The following DYNC1I1 variants were observed in gnomAD, a reference collection of about 807,000 sequenced individuals.
DYNC1I1 encodes the protein cytoplasmic dynein 1 intermediate chain 1.
A neutral mutation model predicts 86.6 loss-of-function variants in DYNC1I1; 43 were observed. That is an observed-to-expected ratio of 0.50 (90% CI 0.39 to 0.64). DYNC1I1 has a LOEUF of 0.64. Among genes scored for constraint, DYNC1I1 ranks in the 30% least tolerant of loss-of-function variants. DYNC1I1 has a pLI of 0.00. For synonymous variants in DYNC1I1, 262 were observed against 283.7 expected (o/e 0.92, Z 0.77); for missense variants, 604 against 788.8 (o/e 0.77, Z 2.81).
intron 2 of DYNC1I1, among the ~76,000 whole-genome samples, chr7:95,805,380 G>A (rs771043097): frequency 7.2e-5 from 11 of 152,166 alleles, no homozygotes; most frequent in Admixed American, 6.5e-4. Flanking sequence ...TGGTAAATAA[G>A]CATCTTAGGT....
intron 6 of DYNC1I1, among the ~76,000 whole-genome samples, chr7:95,935,173 T>G (rs1792006156): frequency 6.6e-6 from 1 of 152,020 alleles, no homozygotes; most frequent in Admixed American, 6.6e-5. Context: ...TTCTGCTCTT[T>G]GATTCTATGA....
chr7:95,906,229 C>T (rs1381583314), intron 6 of DYNC1I1, among the ~76,000 whole-genome samples: 1 of 152,148 alleles, frequency 6.6e-6, no homozygotes, highest in Non-Finnish European at 1.5e-5. Flanking sequence ...GCCAAAGAGA[C>T]CTGGGTTTGC....
intron 6 of DYNC1I1, among the ~76,000 whole-genome samples, chr7:95,881,653 C>T (rs1790458163): frequency 6.6e-6 from 1 of 152,154 alleles, no homozygotes; most frequent in Non-Finnish European, 1.5e-5. Flanking sequence ...ATGAGGGTGG[C>T]ATACTGGAGG....
chr7:95,863,567 G>A (rs114434996), intron 5 of DYNC1I1, among the ~76,000 whole-genome samples: 1,886 of 152,312 alleles, frequency 0.012, 42 homozygotes, highest in African/African-American at 0.043. Flanking sequence ...CACCTCTGCT[G>A]CTTCTCCGTG....
intron 6 of DYNC1I1, among the ~76,000 whole-genome samples, chr7:95,971,789 A>G (rs184555987): frequency 1.4e-3 from 217 of 152,306 alleles, no homozygotes; most frequent in African/African-American, 5.1e-3. Flanking sequence ...TTCAATTCAA[A>G]GTCAAAGTGG....
intron 1 of DYNC1I1, among the ~76,000 whole-genome samples, chr7:95,786,140 A>G (rs1201995383): frequency 1.3e-5 from 2 of 152,218 alleles, no homozygotes; most frequent in East Asian, 3.9e-4. Flanking sequence ...AAGGGCAGAA[A>G]AAAATAGCCC....
At chr7:95,861,456 T>G (rs1381533543) in intron 5 of DYNC1I1, among the ~76,000 whole-genome samples, 1 of 152,184 alleles carries the variant, frequency 6.6e-6, no homozygotes, top group Non-Finnish European at 1.5e-5. Flanking sequence ...ACAAAAGGTA[T>G]AATATTCTCT....
At chr7:95,813,649 T>A (rs1023541990) in intron 4 of DYNC1I1, among the ~76,000 whole-genome samples, 2 of 152,182 alleles carry the variant, frequency 1.3e-5, no homozygotes, top group Non-Finnish European at 2.9e-5. Flanking sequence ...CATTATTTAG[T>A]AGATAATTGA....
chr7:96,046,791 G>T lies in DYNC1I1; in HGVS notation c.1509+7370G>T, dbSNP rs146143415. 4.6e-5 allele frequency among the ~76,000 whole-genome samples: 7 copies of T among 152,270 alleles called. No homozygotes were observed. The South Asian group carries it at 1.5e-3, about 32-fold the overall frequency. On this transcript the variant is annotated intron_variant, in intron 14 of 16. Transcript: ENST00000447467. The stretch of plus-strand genomic sequence containing the variant: ...CAGTGATGATTCTGATATTTCTGTC[G>T]TTAGCATCTGAGTGAAGAATGGTGG...
At chr7:95,972,710 G>A (rs1793207569) in intron 6 of DYNC1I1, among the ~76,000 whole-genome samples, 1 of 152,110 alleles carries the variant, frequency 6.6e-6, no homozygotes, top group Non-Finnish European at 1.5e-5. Context: ...AACTGTCTAC[G>A]TCGGCTTCAT....
In DYNC1I1 at chr7:95,994,997, C is replaced by T. The variant is rs186721186; in HGVS notation, c.844-951C>T. Among the ~76,000 whole-genome samples, 675 of 152,118 alleles carry T rather than the reference C, an allele frequency of 4.4e-3. 6 individuals carry two copies. The highest frequency in any genetic ancestry group is 0.016 in the African/African-American group (644 of 41,494). On this transcript the variant is annotated intron_variant, in intron 9 of 16. Transcript: ENST00000447467. ...GCATGGTGGCTCACGCCTGTAATCC[C>T]AGCACTTTGAGAGGCCGAGGCTGGT...
intron 14 of DYNC1I1, among the ~76,000 whole-genome samples, chr7:96,040,413 A>G (rs1789001428): frequency 6.6e-6 from 1 of 152,178 alleles, no homozygotes; most frequent in South Asian, 2.1e-4. Flanking sequence ...TTTGAGAACC[A>G]TTTAAGAGAT....
At chr7:96,088,483 T>C (rs1391908076) in intron 16 of DYNC1I1, among the ~76,000 whole-genome samples, 2 of 152,272 alleles carry the variant, frequency 1.3e-5, no homozygotes, top group Non-Finnish European at 2.9e-5. Context: ...TATGAAGCAG[T>C]TGTTAATTAT....
intron 6 of DYNC1I1, among the ~76,000 whole-genome samples, chr7:95,882,435 T>C (rs1790479185): frequency 6.6e-6 from 1 of 152,172 alleles, no homozygotes; most frequent in South Asian, 2.1e-4. Flanking sequence ...AAGTCCTGGA[T>C]AGGAAGTTTG....
chr7:96,108,542 T>C (rs1791254682), intron 16 of DYNC1I1, among the ~76,000 whole-genome samples: 1 of 152,094 alleles, frequency 6.6e-6, no homozygotes, highest in South Asian at 2.1e-4. Flanking sequence ...TAGAAATCAA[T>C]AGTGAAGTCA....
At chr7:95,863,085 A>G (rs1789930484) in intron 5 of DYNC1I1, among the ~76,000 whole-genome samples, 1 of 152,196 alleles carries the variant, frequency 6.6e-6, no homozygotes, top group Admixed American at 6.5e-5. Flanking sequence ...TTGTAGCAGC[A>G]TTATTCATAA....
intron 6 of DYNC1I1, among the ~76,000 whole-genome samples, chr7:95,883,856 A>T (rs943968857): frequency 6.6e-6 from 1 of 152,208 alleles, no homozygotes; most frequent in African/African-American, 2.4e-5. Context: ...AAGGAATAAG[A>T]ATTATACATA....
chr7:95,990,144 AAAC>A (rs1193196393), intron 9 of DYNC1I1, among the ~76,000 whole-genome samples: 1 of 152,200 alleles, frequency 6.6e-6, no homozygotes, highest in African/African-American at 2.4e-5. Flanking sequence ...AAATATCATC[AAAC>A]ATCATTCCTT....
intron 4 of DYNC1I1, among the ~76,000 whole-genome samples, chr7:95,817,712 A>G (rs975842065): frequency 6.6e-6 from 1 of 152,198 alleles, no homozygotes; most frequent in Non-Finnish European, 1.5e-5. Context: ...ACAGATTGTA[A>G]TCCATGCCCC....
Sources: gnomAD v4.1 joint callset for allele counts (sites outside exome capture counted in the v4.1 genomes callset) on GRCh38, gnomAD v4.1.1 for gene constraint, MANE v1.5 for transcripts, NCBI Gene and HGNC (gene_info 2026-07-23, HGNC 2026-07-21) for gene names.